DTL: variants seen among roughly 807,000 people sequenced by gnomAD.
DTL encodes the protein denticleless protein homolog.
In DTL, 46 loss-of-function variants were observed where a neutral mutation model predicts 87.0. The observed-to-expected ratio is 0.53, with a 90% CI of 0.42 to 0.68. The LOEUF (loss-of-function observed/expected upper bound fraction) is 0.68, where lower values mean the gene tolerates loss of function less well. Ranked by LOEUF, DTL falls within the 30% of genes least tolerant of loss-of-function variation. The probability of loss-of-function intolerance (pLI) is 0.00; values close to 1 mark genes in which losing one functional copy is unlikely to be tolerated. For missense variants in DTL, 737 were observed against 869.4 expected (o/e 0.85, Z 1.91); for synonymous variants, 308 against 311.2 (o/e 0.99, Z 0.11).
chr1:212,091,958 A>C (rs549864736), intron 13 of DTL, among the ~76,000 whole-genome samples: 1 of 152,198 alleles, frequency 6.6e-6, no homozygotes, highest in Admixed American at 6.5e-5. Context: ...ATATATAGTG[A>C]TCTCTCCTTT....
intron 1 of DTL, among the ~76,000 whole-genome samples, chr1:212,038,297 G>A (rs1667545711): frequency 6.6e-6 from 1 of 152,210 alleles, no homozygotes; most frequent in Admixed American, 6.5e-5. Context: ...GTTATTGGAA[G>A]ACTTCCTGTA....
rs1304096620 is a variant in DTL at position 212,064,965 on chromosome 1, C to T, written c.575C>T (p.Ser192Leu). The T allele has an allele frequency of 6.2e-7, 1 of 1,614,140 alleles. No individual in the cohort carries two copies. Among genetic ancestry groups the T allele is most frequent in the Admixed American group, 1.7e-5 (1 of 60,024 alleles). Reference protein sequence around the residue: ...VNQISGAHNTSDKQTPSKPKK... With the variant: ...VNQISGAHNTLDKQTPSKPKK... ...CAAATCAGTGGAGCTCACAATACCT[C>T]AGACAAGCAAACCCCTTCAAAACCC... The change falls in exon 7 of 15, where the codon TCA (serine) becomes TTA (leucine). Residue 192 changes from serine (S) to leucine (L), a missense_variant. Physicochemically the swap from Ser to Leu is moderately radical, Grantham distance 145. Transcript: ENST00000366991.
At chr1:212,060,206 A>C (rs915430743) in intron 5 of DTL, among the ~76,000 whole-genome samples, 2 of 152,218 alleles carry the variant, frequency 1.3e-5, no homozygotes, top group Non-Finnish European at 2.9e-5. Context: ...AAGAACCCAA[A>C]TGCCAAAGCA....
Position 212,100,976 on chromosome 1 carries a change from G to A in DTL, c.1986G>A (p.Trp662Ter). The change falls in exon 14 of 15, where the codon TGG (tryptophan) becomes TGA (stop). Residue 662 changes from tryptophan (W) to a stop codon, truncating the protein, a stop_gained. Coordinates refer to ENST00000366991, the MANE Select transcript of DTL (RefSeq NM_016448.4). LOFTEE classifies it high-confidence loss of function. ...KENSSPENKNWLLAMAAKRKA... is the reference protein window; with the variant it reads ...KENSSPENKN ...ATAGTTCCCCAGAGAATAAAAACTG[G>A]TTGTTGGCCATGGCAGCCAAACGGA... The A allele has an allele frequency of 6.2e-7, 1 of 1,614,090 alleles. No individual in the cohort carries two copies. Among genetic ancestry groups the A allele is most frequent in the Non-Finnish European group, 8.5e-7 (1 of 1,180,006 alleles).
intron 5 of DTL, among the ~76,000 whole-genome samples, chr1:212,059,881 A>G (rs1339656230): frequency 6.6e-6 from 1 of 152,020 alleles, no homozygotes; most frequent in Non-Finnish European, 1.5e-5. Context: ...CTATACATCA[A>G]TAATGAATTA....
intron 3 of DTL, among the ~76,000 whole-genome samples, chr1:212,046,460 G>T (rs1425993013): frequency 6.6e-6 from 1 of 152,076 alleles, no homozygotes; most frequent in Non-Finnish European, 1.5e-5. Flanking sequence ...CCCCTCAAGA[G>T]GCCCCAGTGT....
intron 10 of DTL, 116 bp downstream of exon 10, chr1:212,068,819 T>C (rs1571961345): frequency 1.7e-6 from 1 of 602,412 alleles, no homozygotes; most frequent in African/African-American, 1.9e-5. Flanking sequence ...ATGAGGACTT[T>C]GGCATCTTTG....
intron 13 of DTL, among the ~76,000 whole-genome samples, chr1:212,085,937 A>G (rs1655117283): frequency 6.6e-6 from 1 of 152,202 alleles, no homozygotes; most frequent in South Asian, 2.1e-4. Context: ...AAATCAATTG[A>G]CCATAAATGT....
rs570435996 is a variant in DTL, at chr1:212,074,058, A to T, written c.1035+1845A>T. ...AGGTTTGTTTCTTGTTAAAAAAAAAATTTTTTTTTCCAACATCACAAAAAG... is the reference window on the plus strand; with the variant it reads ...AGGTTTGTTTCTTGTTAAAAAAAAATTTTTTTTTTCCAACATCACAAAAAG... On this transcript the variant is annotated intron_variant, in intron 11 of 14. Transcript: ENST00000366991. Among the ~76,000 whole-genome samples the T allele has an allele frequency of 4.6e-4, 69 of 151,256 alleles. 1 individual carries two copies. In the South Asian group the frequency reaches 5.2e-3, roughly 11 times the overall value.
intron 11 of DTL, among the ~76,000 whole-genome samples, chr1:212,074,180 G>A (rs1654762459): frequency 6.6e-6 from 1 of 151,402 alleles, no homozygotes; most frequent in Non-Finnish European, 1.5e-5. Context: ...ACAATTACAT[G>A]TGTGTTGTAT....
intron 1 of DTL, among the ~76,000 whole-genome samples, chr1:212,041,068 A>C (rs1398361665): frequency 1.3e-5 from 2 of 152,226 alleles, no homozygotes; most frequent in Admixed American, 1.3e-4. Context: ...TAAGTTGTAC[A>C]ATGAGGAAAT....
In DTL at chr1:212,100,537, C is replaced by T; in HGVS notation, c.1547C>T (p.Thr516Ile). The T allele has an allele frequency of 6.2e-7, 1 of 1,614,108 alleles. No individual in the cohort carries two copies. Among genetic ancestry groups the T allele is most frequent in the South Asian group, 1.1e-5 (1 of 91,078 alleles). Residue 516 changes from threonine to isoleucine, a missense_variant, in exon 14 of 15, where the codon ACT becomes ATT. Thr to Ile is a moderately conservative substitution (Grantham distance 89, BLOSUM62 -1). Coordinates refer to ENST00000366991, the MANE Select transcript of DTL (RefSeq NM_016448.4). ...TRTPSSSPPI[T>I]PPASETKIMS... is the part of the protein sequence containing the mutation. The stretch of plus-strand genomic sequence containing the variant: ...ACACCTTCCTCATCACCACCCATCA[C>T]TCCACCTGCTTCGGAGACCAAGATC...
At chr1:212,081,910 G>T (rs1348275935) in intron 13 of DTL, among the ~76,000 whole-genome samples, 1 of 152,092 alleles carries the variant, frequency 6.6e-6, no homozygotes, top group African/African-American at 2.4e-5. Flanking sequence ...TGTCAGGGAG[G>T]CATTTCGATG....
intron 7 of DTL, among the ~76,000 whole-genome samples, chr1:212,065,510 A>T (rs1294776280): frequency 6.6e-6 from 1 of 152,088 alleles, no homozygotes; most frequent in Non-Finnish European, 1.5e-5. Context: ...ACATGTTGAA[A>T]ATTCACCTTA....
chr1:212,042,444 A>G (rs1302031342), intron 1 of DTL, among the ~76,000 whole-genome samples: 2 of 152,224 alleles, frequency 1.3e-5, no homozygotes, highest in East Asian at 1.9e-4. Context: ...CAATTTCTCT[A>G]ATATAATTTA....
At chr1:212,058,766 GAT>G (rs982633080) in intron 5 of DTL, among the ~76,000 whole-genome samples, 9 of 151,390 alleles carry the variant, frequency 5.9e-5, no homozygotes, top group African/African-American at 2.2e-4. Context: ...TTTTGGAAAA[GAT>G]AAACAAAATC....
At chr1:212,059,792 A>C (rs201342102) in intron 5 of DTL, among the ~76,000 whole-genome samples, 188 of 148,944 alleles carry the variant, frequency 1.3e-3, no homozygotes, top group Admixed American at 2.2e-3. Flanking sequence ...AAAAAAAAAA[A>C]AAAAAAAAAA....
rs1655715962 is a variant in DTL, at chr1:212,104,448, T to C, written c.*1508T>C. ...CAAGCACACCATAGCCTTAACTGAA[T>C]ATTTAGGAAATCTGCCTAATCTGCT... On this transcript the variant is annotated 3_prime_UTR_variant, in exon 15 of 15. Coordinates refer to ENST00000366991, the MANE Select transcript of DTL (RefSeq NM_016448.4). 1 of 152,210 alleles carries C rather than the reference T, an allele frequency of 6.6e-6. No individual in the cohort carries two copies. Among genetic ancestry groups the C allele is most frequent in the Non-Finnish European group, 1.5e-5 (1 of 68,030 alleles). The allele number at this position is 152,210 out of a possible 1,614,324, so 9.4% of individuals were successfully genotyped here.
intron 5 of DTL, among the ~76,000 whole-genome samples, chr1:212,053,616 C>T (rs966355471): frequency 3.3e-5 from 5 of 152,084 alleles, no homozygotes. Flanking sequence ...GAGACAGGGT[C>T]TCACTCTGTC....
Sources: allele counts gnomAD v4.1 joint callset (sites outside exome capture counted in the v4.1 genomes callset), GRCh38; gene constraint gnomAD v4.1.1; transcripts MANE v1.5; gene names NCBI Gene and HGNC (gene_info 2026-07-23, HGNC 2026-07-21).